C1orf21: variants seen among roughly 807,000 people sequenced by gnomAD.
C1orf21 encodes the protein uncharacterized protein C1orf21.
C1orf21 carries 3 observed loss-of-function variants against 18.7 expected under a neutral mutation model. That is an observed-to-expected ratio of 0.16 (90% confidence interval 0.07 to 0.42). The LOEUF (loss-of-function observed/expected upper bound fraction) is 0.42. Ranked by LOEUF, C1orf21 falls within the 10% of genes least tolerant of loss-of-function variation. C1orf21 has a pLI of 0.99. For missense variants in C1orf21, 104 were observed against 143.6 expected (o/e 0.72, Z 1.41); for synonymous variants, 41 against 46.4 (o/e 0.88, Z 0.47).
intron 1 of C1orf21, among the ~76,000 whole-genome samples, chr1:184,437,751 CA>C (rs1656881223): frequency 1.3e-5 from 2 of 151,980 alleles, no homozygotes; most frequent in Non-Finnish European, 2.9e-5. Context: ...ATTATTATTA[CA>C]TTGTAATATA....
At chr1:184,452,981 A>G (rs1557976012) in intron 1 of C1orf21, among the ~76,000 whole-genome samples, 2 of 152,204 alleles carry the variant, frequency 1.3e-5, no homozygotes, top group Non-Finnish European at 2.9e-5. Context: ...AAAGCCTTTC[A>G]TTGAAAGGAT....
intron 1 of C1orf21, among the ~76,000 whole-genome samples, chr1:184,399,971 A>G (rs1656123308): frequency 6.6e-6 from 1 of 152,140 alleles, no homozygotes; most frequent in Non-Finnish European, 1.5e-5. Flanking sequence ...CCAATATCAG[A>G]AATAATGAGC....
At chr1:184,484,278 A>C (rs1200436813) in intron 2 of C1orf21, among the ~76,000 whole-genome samples, 1 of 152,000 alleles carries the variant, frequency 6.6e-6, no homozygotes, top group Non-Finnish European at 1.5e-5. Flanking sequence ...CAGCCTTGTG[A>C]ACTTATCCTG....
At chr1:184,467,191 A>T (rs1203114516) in intron 1 of C1orf21, among the ~76,000 whole-genome samples, 1 of 152,164 alleles carries the variant, frequency 6.6e-6, no homozygotes, top group East Asian at 1.9e-4. Context: ...TCTCTTCATG[A>T]AAAGGAGTTT....
chr1:184,567,625 G>A (rs1659052765), intron 3 of C1orf21: 1 of 436,296 alleles, frequency 2.3e-6, no homozygotes, highest in Non-Finnish European at 4.6e-6. Context: ...AGTGGAGGAT[G>A]CTAGGCAGAC....
rs1285774236 is a variant in C1orf21, at chr1:184,595,583, T to C, written c.267-2818T>C. On this transcript the variant is annotated intron_variant, in intron 4 of 5. Coordinates refer to ENST00000235307, the MANE Select transcript of C1orf21 (RefSeq NM_030806.4). ...GAATAAAAATTCTGTCCCTGCCCCA[T>C]TGAAGAGATTTCTCTTCTTCTCCCT... 2.0e-5 allele frequency among the ~76,000 whole-genome samples: 3 copies of C among 152,196 alleles called. No individual in the cohort carries two copies. In the East Asian group the frequency reaches 5.8e-4, roughly 29 times the overall value.
rs866182721 is a variant in C1orf21, at chr1:184,457,621, A to G, written c.-124-19765A>G. Among the ~76,000 whole-genome samples, 9 of 152,122 alleles carry G rather than the reference A, an allele frequency of 5.9e-5. No homozygotes were observed. The South Asian group carries it at 1.2e-3, about 21-fold the overall frequency. On this transcript the variant is annotated intron_variant, in intron 1 of 5. Transcript: ENST00000235307. ...GTCTCTGTACTGCATTTTCCAGACT[A>G]TTCTGGGCTTTTGCATCTGCTCCTG...
chr1:184,566,962 C>G, intron 3 of C1orf21: 3 of 528,236 alleles, frequency 5.7e-6, no homozygotes, highest in Non-Finnish European at 1.2e-5. Context: ...AGTCCACCTT[C>G]TCTGTGAATC....
At chr1:184,472,660 T>C (rs1657511605) in intron 1 of C1orf21, among the ~76,000 whole-genome samples, 1 of 152,214 alleles carries the variant, frequency 6.6e-6, no homozygotes, top group African/African-American at 2.4e-5. Flanking sequence ...AAGTAGGATT[T>C]TTTTTAATGA....
At chr1:184,611,515 C>G (rs932719454) in intron 5 of C1orf21, among the ~76,000 whole-genome samples, 4 of 152,182 alleles carry the variant, frequency 2.6e-5, no homozygotes, top group Non-Finnish European at 5.9e-5. Flanking sequence ...CACAGATGCT[C>G]AAGCTGCAGA....
intron 1 of C1orf21, among the ~76,000 whole-genome samples, chr1:184,394,569 C>T (rs1460719846): frequency 6.6e-6 from 1 of 152,134 alleles, no homozygotes; most frequent in Non-Finnish European, 1.5e-5. Context: ...TCTAGTAGAG[C>T]CCCTGTATTA....
chr1:184,396,064 G>T (rs184299770), intron 1 of C1orf21, among the ~76,000 whole-genome samples: 1 of 152,292 alleles, frequency 6.6e-6, no homozygotes, highest in Admixed American at 6.5e-5. Flanking sequence ...ATGTAATGAC[G>T]TGGAGCCATG....
intron 2 of C1orf21, among the ~76,000 whole-genome samples, chr1:184,497,064 T>C (rs1172468329): frequency 2.6e-5 from 4 of 152,210 alleles, no homozygotes; most frequent in Non-Finnish European, 5.9e-5. Context: ...GATTTTAATT[T>C]AATCGAACCG....
intron 3 of C1orf21, among the ~76,000 whole-genome samples, chr1:184,584,282 A>G (rs899745835): frequency 1.3e-5 from 2 of 151,906 alleles, no homozygotes; most frequent in East Asian, 3.9e-4. Context: ...AAGTATACAC[A>G]TGCTCCTAAG....
chr1:184,602,055 T>C (rs1659591597), intron 5 of C1orf21, among the ~76,000 whole-genome samples: 1 of 152,226 alleles, frequency 6.6e-6, no homozygotes, highest in Admixed American at 6.5e-5. Context: ...AGTTCAATTT[T>C]AAAAGTGAAT....
chr1:184,445,073 G>C (rs530457561), intron 1 of C1orf21, among the ~76,000 whole-genome samples: 1 of 152,278 alleles, frequency 6.6e-6, no homozygotes, highest in South Asian at 2.1e-4. Flanking sequence ...AGACCTCTCA[G>C]TAGAGACAAC....
intron 3 of C1orf21, among the ~76,000 whole-genome samples, chr1:184,518,522 G>A (rs1489365686): frequency 1.3e-5 from 2 of 152,112 alleles, no homozygotes; most frequent in Non-Finnish European, 2.9e-5. Flanking sequence ...TGTGAAGAAA[G>A]GATGATATTA....
intron 3 of C1orf21, among the ~76,000 whole-genome samples, chr1:184,569,847 G>A (rs1659084571): frequency 1.3e-5 from 2 of 152,344 alleles, no homozygotes; most frequent in African/African-American, 2.4e-5. Context: ...TCAGGAAGAG[G>A]TCACTGTGCT....
In C1orf21 at chr1:184,493,133, T is replaced by G. The variant is rs548558357; in HGVS notation, c.95-14455T>G. 5.9e-5 allele frequency among the ~76,000 whole-genome samples: 9 copies of G among 152,352 alleles called. 1 individual carries two copies. In the South Asian group the frequency reaches 1.9e-3, roughly 32 times the overall value. On this transcript the variant is annotated intron_variant, in intron 2 of 5. Transcript: ENST00000235307. ...TAAAATGTAACTCACAACACATGTT[T>G]AAACTATGAATAAAAATGGTCTTTG...
Sources: allele counts gnomAD v4.1 joint callset (sites outside exome capture counted in the v4.1 genomes callset), GRCh38; gene constraint gnomAD v4.1.1; transcripts MANE v1.5; gene names NCBI Gene and HGNC (gene_info 2026-07-23, HGNC 2026-07-21).